Variants in GKAP1 observed in about 807,000 individuals in gnomAD.
GKAP1 encodes G kinase anchoring protein 1.
In GKAP1, 31 loss-of-function variants were observed where a neutral mutation model predicts 56.7. The observed-to-expected ratio is 0.55, with a 90% CI of 0.41 to 0.74. The LOEUF (loss-of-function observed/expected upper bound fraction) is 0.74, where lower values mean the gene tolerates loss of function less well. GKAP1 is among the 30% of genes least tolerant of loss of function. The probability of loss-of-function intolerance (pLI) is 0.00; values close to 1 mark genes in which losing one functional copy is unlikely to be tolerated. For missense variants in GKAP1, 364 were observed against 402.3 expected (o/e 0.90, Z 0.82); for synonymous variants, 151 against 138.6 (o/e 1.09, Z -0.63).
chr9:83,781,334 ACCTGGG>A (rs1943968058), intron 6 of GKAP1, among the ~76,000 whole-genome samples: 1 of 152,176 alleles, frequency 6.6e-6, no homozygotes, highest in Admixed American at 6.5e-5. Flanking sequence ...CTGCACTCCA[ACCTGGG>A]CGACAGAGCA....
In GKAP1 at chr9:83,759,951, C is replaced by G. The variant is rs1341103109; in HGVS notation, c.739-6592G>C. On this transcript the variant is annotated intron_variant, in intron 8 of 12. Transcript: ENST00000376371. ...TTTGCCACAGTCTTTTCCAACTTAA[C>G]TTTTCAAATTTATATTACATTCCTC... Among the ~76,000 whole-genome samples, 4 of 152,176 alleles carry G rather than the reference C, an allele frequency of 2.6e-5. No individual in the cohort carries two copies. In the East Asian group the frequency reaches 7.7e-4, roughly 29 times the overall value.
Position 83,754,276 on chromosome 9 carries a change from C to T in GKAP1, c.739-917G>A, listed in dbSNP as rs376486531. ...AAAAATCAGGTTAAATCCCTGTCAT[C>T]TTGCACCATATACCAAAATAAACAA... On this transcript the variant is annotated intron_variant, in intron 8 of 12. Transcript: ENST00000376371. Among the ~76,000 whole-genome samples the T allele has an allele frequency of 1.3e-5, 2 of 152,296 alleles. 1 individual carries two copies.
At chr9:83,766,723 G>C (rs7855503) in intron 8 of GKAP1, among the ~76,000 whole-genome samples, 43,845 of 152,070 alleles carry the variant, frequency 0.29, 7,923 homozygotes, top group East Asian at 0.48. Flanking sequence ...GGCTATTGTA[G>C]GAATCTGTCA....
At chr9:83,812,331 G>A (rs574778504) in intron 2 of GKAP1, among the ~76,000 whole-genome samples, 9 of 144,988 alleles carry the variant, frequency 6.2e-5, no homozygotes, top group African/African-American at 1.3e-4. Context: ...ATATACACAC[G>A]TATATATATA....
intron 10 of GKAP1, among the ~76,000 whole-genome samples, chr9:83,745,401 A>C (rs1389844970): frequency 6.6e-6 from 1 of 152,168 alleles, no homozygotes; most frequent in East Asian, 1.9e-4. Context: ...AACTGACCAT[A>C]TTTACATTTA....
At chr9:83,751,332 TAGC>T (rs910873800) in intron 9 of GKAP1, among the ~76,000 whole-genome samples, 1 of 152,248 alleles carries the variant, frequency 6.6e-6, no homozygotes, top group Non-Finnish European at 1.5e-5. Context: ...CAATTTTTGA[TAGC>T]AGCAACTCAT....
At chr9:83,775,135 C>T (rs1252716946) in intron 7 of GKAP1, among the ~76,000 whole-genome samples, 1 of 152,012 alleles carries the variant, frequency 6.6e-6, no homozygotes, top group Non-Finnish European at 1.5e-5. Context: ...TCCAGAGTAG[C>T]TGGGACTACA....
At chr9:83,815,506 C>G (rs1488341542) in intron 2 of GKAP1, among the ~76,000 whole-genome samples, 3 of 151,862 alleles carry the variant, frequency 2.0e-5, no homozygotes, top group Non-Finnish European at 4.4e-5. Flanking sequence ...ACACTATGAC[C>G]TCACTAGAAT....
intron 7 of GKAP1, among the ~76,000 whole-genome samples, chr9:83,773,081 C>T (rs1943790605): frequency 6.6e-6 from 1 of 152,118 alleles, no homozygotes; most frequent in South Asian, 2.1e-4. Context: ...CCTAAGTAAC[C>T]ACCTACGAGA....
intron 2 of GKAP1, among the ~76,000 whole-genome samples, chr9:83,813,613 T>A (rs755324796): frequency 9.2e-5 from 14 of 152,144 alleles, no homozygotes; most frequent in Admixed American, 1.3e-4. Context: ...AAAACTAATT[T>A]CAAGGATAAT....
At chr9:83,800,419 C>T (rs1372966130) in intron 3 of GKAP1, among the ~76,000 whole-genome samples, 2 of 151,128 alleles carry the variant, frequency 1.3e-5, no homozygotes, top group East Asian at 1.9e-4. Context: ...CTGTAACCTC[C>T]GCCTCCCAGG....
At chr9:83,800,458 C>CA (rs1461186638) in intron 3 of GKAP1, among the ~76,000 whole-genome samples, 7 of 151,592 alleles carry the variant, frequency 4.6e-5, no homozygotes, top group Non-Finnish European at 7.4e-5. Flanking sequence ...CTCAGCCTCT[C>CA]AAATAGCTGG....
intron 7 of GKAP1, among the ~76,000 whole-genome samples, chr9:83,775,178 A>G (rs1012150701): frequency 6.6e-6 from 1 of 151,972 alleles, no homozygotes; most frequent in Non-Finnish European, 1.5e-5. Flanking sequence ...AATTTTGTTT[A>G]TGAAAATTTT....
At chr9:83,774,996 C>T (rs1188084895) in intron 7 of GKAP1, among the ~76,000 whole-genome samples, 2 of 140,000 alleles carry the variant, frequency 1.4e-5, no homozygotes, top group Non-Finnish European at 3.1e-5. Context: ...GGTGACCCAC[C>T]GCGCCCGGCC....
intron 2 of GKAP1, among the ~76,000 whole-genome samples, chr9:83,813,465 T>A (rs954028313): frequency 2.6e-5 from 4 of 152,220 alleles, no homozygotes; most frequent in Non-Finnish European, 5.9e-5. Context: ...TAAAAATAAT[T>A]TCAAGGATAT....
intron 8 of GKAP1, among the ~76,000 whole-genome samples, chr9:83,757,343 C>T (rs904024650): frequency 6.6e-6 from 1 of 152,108 alleles, no homozygotes; most frequent in South Asian, 2.1e-4. Context: ...TCCTGTATAA[C>T]AATGTTTTCA....
intron 7 of GKAP1, among the ~76,000 whole-genome samples, chr9:83,778,706 C>T (rs558430805): frequency 6.6e-6 from 1 of 150,952 alleles, no homozygotes; most frequent in Admixed American, 6.6e-5. Context: ...AGTTAAAAAA[C>T]AAAAACAAAA....
chr9:83,756,324 A>G (rs1029648868), intron 8 of GKAP1, among the ~76,000 whole-genome samples: 2 of 151,928 alleles, frequency 1.3e-5, no homozygotes, highest in African/African-American at 4.8e-5. Flanking sequence ...TACAAAAATT[A>G]GCTGGGTGTG....
At chr9:83,808,037 G>A (rs1587743224) in intron 2 of GKAP1, among the ~76,000 whole-genome samples, 2 of 152,100 alleles carry the variant, frequency 1.3e-5, no homozygotes, top group Admixed American at 1.3e-4. Context: ...CCATCTAGTC[G>A]TCATTAAGTC....
Sources: gnomAD v4.1 joint callset for allele counts (sites outside exome capture counted in the v4.1 genomes callset) on GRCh38, gnomAD v4.1.1 for gene constraint, MANE v1.5 for transcripts, NCBI Gene and HGNC (gene_info 2026-07-23, HGNC 2026-07-21) for gene names.